TBC1D16: variants seen among roughly 807,000 people sequenced by gnomAD.
TBC1D16 encodes TBC1 domain family member 16, also known as CTD-2529O21.1.
TBC1D16 carries 58 observed loss-of-function variants against 74.7 expected under a neutral mutation model. That is an observed-to-expected ratio of 0.78 (90% CI 0.63 to 0.97). The LOEUF is 0.97. TBC1D16 is among the 50% of genes least tolerant of loss of function. The pLI is 0.00. For synonymous variants in TBC1D16, 493 were observed against 474.7 expected, an observed-to-expected ratio of 1.04 and a Z score of -0.50; for missense variants, 1,014 against 1,079.5, an observed-to-expected ratio of 0.94 and a Z score of 0.85.
At position 79,951,510 on chromosome 17, in the gene TBC1D16, G is replaced by C; in HGVS notation, c.1029C>G (p.Asp343Glu). The C allele has an allele frequency of 1.9e-6, 3 of 1,614,098 alleles. No individual in the cohort carries two copies. Among genetic ancestry groups the C allele is most frequent in the Non-Finnish European group, 2.5e-6 (3 of 1,179,992 alleles). ...KVFHFHHGGLDKLSDVFQQWK... is the reference protein window; with the variant it reads ...KVFHFHHGGLEKLSDVFQQWK... ...ACTGCTGGAACACGTCAGACAGCTT[G>C]TCCAGGCCGCCGTGGTGGAAGTGGA... The change falls in exon 5 of 12, where the codon GAC (aspartate) becomes GAG (glutamate). Residue 343 changes from aspartate to glutamate, a missense_variant. Asp to Glu is a conservative substitution (Grantham distance 45). Transcript: ENST00000310924.
At chr17:79,989,722 G>A (rs538501128) in intron 3 of TBC1D16, among the ~76,000 whole-genome samples, 3 of 152,294 alleles carry the variant, frequency 2.0e-5, no homozygotes, top group East Asian at 1.9e-4. Context: ...TCAAATACAC[G>A]AATGTCCTCT....
intron 1 of TBC1D16, among the ~76,000 whole-genome samples, chr17:80,017,449 A>C (rs962001262): frequency 7.2e-5 from 11 of 152,104 alleles, no homozygotes; most frequent in Non-Finnish European, 1.3e-4. Flanking sequence ...TGGGAGGCCT[A>C]GGTGGGCGGA....
chr17:79,979,399 G>A lies in TBC1D16; in HGVS notation c.780-26581C>T, dbSNP rs913183215. Among the ~76,000 whole-genome samples the A allele has an allele frequency of 6.6e-6, 1 of 152,158 alleles. No individual in the cohort carries two copies. The highest frequency in any genetic ancestry group is 1.5e-5 in the Non-Finnish European group (1 of 68,022). ...AGGCATCCCCAGTGCCGCCAATCAC[G>A]TGGCCCTCTCGAGGTGAAGCTGCGA... On this transcript the variant is annotated intron_variant, in intron 3 of 11. Coordinates refer to ENST00000310924, the MANE Select transcript of TBC1D16 (RefSeq NM_019020.4). This position sits in a 1 kb window ranked among gnomAD's most constrained non-coding sequence, Gnocchi z 4.8.
At position 80,010,468 on chromosome 17, in the gene TBC1D16, C is replaced by T. The variant is rs975617477; in HGVS notation, c.471G>A (p.Ala157=). ...GCGCCAGCTTCTCCTCATCCTCTGG[C>T]GCAGGGCTGGCGAGCATGCGGTCTG... The part of the protein sequence containing the change: ...SVPDRMLASP[A]PEDEEKLAQG... The change falls in exon 3 of 12, where the codon GCG becomes GCA. Residue 157 remains alanine, a synonymous_variant. Transcript: ENST00000310924. The surrounding 1 kb of genome is among the most constrained non-coding windows in gnomAD (Gnocchi z 8.8). 5.0e-6 allele frequency: 8 copies of T among 1,609,842 alleles called. No individual in the cohort carries two copies. The South Asian group carries it at 6.6e-5, about 13-fold the overall frequency.
At chr17:80,025,036 T>A (rs796116792) in intron 1 of TBC1D16, among the ~76,000 whole-genome samples, 1 of 2,620 alleles carries the variant, frequency 3.8e-4, no homozygotes, top group Non-Finnish European at 9.2e-4. Flanking sequence ...GATGCACACA[T>A]ACCATGACAC....
In TBC1D16 at chr17:80,013,422, G is replaced by A. The variant is rs1235503228; in HGVS notation, c.126C>T (p.Asn42=). 3.1e-6 allele frequency: 5 copies of A among 1,608,124 alleles called. No individual in the cohort carries two copies. In the Admixed American group the frequency reaches 6.7e-5, roughly 22 times the overall value. The stretch of plus-strand genomic sequence containing the variant: ...CCTCCGGCGGGTGCACGCAGACATT[G>A]TTCTTGGAGTAGATGATCTCTCCAT... ...VLDGEIIYSK[N]NVCVHPPEGL... is the part of the protein sequence containing the mutation. Residue 42 remains asparagine (N), a synonymous_variant, in exon 2 of 12, where the codon AAC becomes AAT. Coordinates refer to ENST00000310924, the MANE Select transcript of TBC1D16 (RefSeq NM_019020.4).
rs1196934601 is a variant in TBC1D16, at chr17:79,975,747, G to A, written c.780-22929C>T. Among the ~76,000 whole-genome samples, 5 of 152,136 alleles carry A rather than the reference G, an allele frequency of 3.3e-5. No homozygotes were observed. The highest frequency in any genetic ancestry group is 5.9e-5 in the Non-Finnish European group (4 of 68,026). ...AACCTGTCGCTGGCTGCCCACTAAC[G>A]CTCCCAGCAGCCCTTAGTACAATAC... On this transcript the variant is annotated intron_variant, in intron 3 of 11. Transcript: ENST00000310924. The surrounding 1 kb of genome is among the most constrained non-coding windows in gnomAD (Gnocchi z 4.5).
chr17:80,018,323 C>T (rs2036167742), intron 1 of TBC1D16, among the ~76,000 whole-genome samples: 2 of 145,172 alleles, frequency 1.4e-5, no homozygotes, highest in South Asian at 4.3e-4. Flanking sequence ...ACTCTGTAGC[C>T]CAGGCTGGAG....
chr17:79,945,236 C>G (rs1038516308), intron 9 of TBC1D16, 149 bp from the exon 10 acceptor site: 3 of 812,786 alleles, frequency 3.7e-6, no homozygotes, highest in Middle Eastern at 3.7e-4. Context: ...TGCCTGCCCC[C>G]CCAACGCTCC....
intron 3 of TBC1D16, among the ~76,000 whole-genome samples, chr17:79,967,341 A>G (rs192667514): frequency 1.8e-4 from 27 of 152,350 alleles, no homozygotes. Flanking sequence ...CTCTATTAAC[A>G]GATGACATGA....
rs1261129493 is a variant in TBC1D16, at chr17:79,941,930, G to A, written c.2055+130C>T. On this transcript the variant is annotated intron_variant, in intron 11 of 11. Transcript: ENST00000310924. The surrounding 1 kb of genome is among the most constrained non-coding windows in gnomAD (Gnocchi z 4.3). Reference sequence around the variant, plus strand: ...GGGTGGGGGAGGGCACGTGCTGGGGGGCCATGGTGGGGATGGGGCTCTGGG... The same window carrying A: ...GGGTGGGGGAGGGCACGTGCTGGGGAGCCATGGTGGGGATGGGGCTCTGGG... The A allele has an allele frequency of 6.2e-6, 5 of 808,088 alleles. No homozygotes were observed. Among genetic ancestry groups the A allele is most frequent in the Non-Finnish European group, 7.8e-6 (4 of 510,318 alleles). The allele number at this position is 808,088 out of a possible 1,614,324, so 50.1% of individuals were successfully genotyped here.
In TBC1D16 at chr17:80,001,334, T is replaced by C. The variant is rs2035477823; in HGVS notation, c.779+8826A>G. On this transcript the variant is annotated intron_variant, in intron 3 of 11. Transcript: ENST00000310924. This position sits in a 1 kb window ranked among gnomAD's most constrained non-coding sequence, Gnocchi z 5.8. Reference sequence around the variant, plus strand: ...AAGTGCTACAGAAACAAGACGAGATTAGTCTGAACGACACACAGAACAGAT... The same window carrying C: ...AAGTGCTACAGAAACAAGACGAGATCAGTCTGAACGACACACAGAACAGAT... 6.6e-6 allele frequency among the ~76,000 whole-genome samples: 1 copy of C among 152,184 alleles called. No homozygotes were observed. Among genetic ancestry groups the C allele is most frequent in the Admixed American group, 6.5e-5 (1 of 15,282 alleles).
At chr17:79,998,127 A>G (rs1309393971) in intron 3 of TBC1D16, among the ~76,000 whole-genome samples, 1 of 133,808 alleles carries the variant, frequency 7.5e-6, no homozygotes, top group Non-Finnish European at 1.5e-5. Context: ...CTCTGTCTCA[A>G]AAAAAAAAAA....
At chr17:79,953,116 G>A (rs569394538) in intron 3 of TBC1D16, 50 of 242,084 alleles carry the variant, frequency 2.1e-4, no homozygotes, top group Non-Finnish European at 2.8e-4. Flanking sequence ...GGGGTTCCTC[G>A]CTGTGTGACC....
rs1353305208 is a variant in TBC1D16 at position 80,035,615 on chromosome 17, G to A, written c.-63+180C>T. Among the ~76,000 whole-genome samples, 1 of 151,422 alleles carries A rather than the reference G, an allele frequency of 6.6e-6. No individual in the cohort carries two copies. Among genetic ancestry groups the A allele is most frequent in the Non-Finnish European group, 1.5e-5 (1 of 67,798 alleles). On this transcript the variant is annotated intron_variant, in intron 1 of 11. Coordinates refer to ENST00000310924, the MANE Select transcript of TBC1D16 (RefSeq NM_019020.4). This position sits in a 1 kb window ranked among gnomAD's most constrained non-coding sequence, Gnocchi z 5.3. ...CCACAACGCTCCCGCTCCTGCTGGCGCCCCGCACCCCGAGGACGGCGGCCG... is the reference window on the plus strand; with the variant it reads ...CCACAACGCTCCCGCTCCTGCTGGCACCCCGCACCCCGAGGACGGCGGCCG...
chr17:80,012,553 G>A (rs1383308707), intron 2 of TBC1D16, among the ~76,000 whole-genome samples: 1 of 151,964 alleles, frequency 6.6e-6, no homozygotes, highest in Non-Finnish European at 1.5e-5. Flanking sequence ...TGCATAAAGT[G>A]CCCAGATCTC....
At chr17:79,998,125 C>CAAAAAAAAAAAAAA (rs901486919) in intron 3 of TBC1D16, among the ~76,000 whole-genome samples, 2 of 51,986 alleles carry the variant, frequency 3.8e-5, no homozygotes, top group African/African-American at 1.2e-4. Flanking sequence ...AACTCTGTCT[C>CAAAAAAAAAAAAAA]AAAAAAAAAA....
rs1370573540 is a variant in TBC1D16, at chr17:79,975,655, G to A, written c.780-22837C>T. On this transcript the variant is annotated intron_variant, in intron 3 of 11. Coordinates refer to ENST00000310924, the MANE Select transcript of TBC1D16 (RefSeq NM_019020.4). The surrounding 1 kb of genome is among the most constrained non-coding windows in gnomAD (Gnocchi z 4.5). The stretch of plus-strand genomic sequence containing the variant: ...CAACAGGTCCACCCTGAAGTGAAAA[G>A]ACAAATATCATTTTTCCTCCAGTTT... Among the ~76,000 whole-genome samples, 2 of 152,164 alleles carry A rather than the reference G, an allele frequency of 1.3e-5. No individual in the cohort carries two copies. The highest frequency in any genetic ancestry group is 2.9e-5 in the Non-Finnish European group (2 of 68,028).
In TBC1D16 at chr17:79,981,155, T is replaced by G. The variant is rs1224465585; in HGVS notation, c.780-28337A>C. On this transcript the variant is annotated intron_variant, in intron 3 of 11. Transcript: ENST00000310924. This position sits in a 1 kb window ranked among gnomAD's most constrained non-coding sequence, Gnocchi z 6.9. The stretch of plus-strand genomic sequence containing the variant: ...CGGAAGGACAGAACTTGTTTAGGCA[T>G]CGTTTCCTCGCTCCCTCCTTAATCT... Among the ~76,000 whole-genome samples the G allele has an allele frequency of 2.0e-5, 3 of 152,182 alleles. No individual in the cohort carries two copies. Among genetic ancestry groups the G allele is most frequent in the African/African-American group, 7.2e-5 (3 of 41,422 alleles).
Sources: allele counts gnomAD v4.1 joint callset (sites outside exome capture counted in the v4.1 genomes callset), GRCh38; gene constraint gnomAD v4.1.1; non-coding constraint Gnocchi (gnomAD v3.1); transcripts MANE v1.5; gene names NCBI Gene and HGNC (gene_info 2026-07-23, HGNC 2026-07-21).